The following ARHGAP32 variants were observed in gnomAD, a reference collection of about 807,000 sequenced individuals.
ARHGAP32 encodes Rho GTPase activating protein 32.
A neutral mutation model predicts 186.5 loss-of-function variants in ARHGAP32; 51 were observed. The observed-to-expected ratio is 0.27, with a 90% CI of 0.22 to 0.35. ARHGAP32 has a LOEUF of 0.35. Among genes scored for constraint, ARHGAP32 ranks in the 10% least tolerant of loss-of-function variants. The pLI, the probability that ARHGAP32 is intolerant of heterozygous loss-of-function variation, is 1.00. For synonymous variants in ARHGAP32, 950 were observed against 964.3 expected (o/e 0.99, Z 0.27); for missense variants, 2,186 against 2,623.5 (o/e 0.83, Z 3.64).
intron 10 of ARHGAP32, among the ~76,000 whole-genome samples, chr11:129,054,362 C>T (rs757585377): frequency 1.4e-4 from 21 of 152,188 alleles, no homozygotes; most frequent in Non-Finnish European, 2.6e-4. Context: ...ATAAACAGTG[C>T]GAGCCTACAT....
upstream of ARHGAP32, among the ~76,000 whole-genome samples, chr11:129,193,577 T>A (rs1407022640): frequency 1.5e-3 from 72 of 49,628 alleles, 1 homozygote; most frequent in African/African-American, 5.8e-3. Context: ...ATAATATATA[T>A]ATATTATATA....
intron 11 of ARHGAP32, among the ~76,000 whole-genome samples, chr11:129,006,844 C>A (rs1158234806): frequency 6.6e-6 from 1 of 152,180 alleles, no homozygotes; most frequent in Admixed American, 6.5e-5. Context: ...CTAGGTGGGT[C>A]CAGAGATGTT....
intron 2 of ARHGAP32, among the ~76,000 whole-genome samples, chr11:129,160,879 G>A (rs1035971067): frequency 6.6e-6 from 1 of 152,160 alleles, no homozygotes; most frequent in African/African-American, 2.4e-5. Flanking sequence ...AACAAAGCTG[G>A]AGGCATCACG....
At chr11:129,012,224 T>C (rs1938117383) in intron 11 of ARHGAP32, among the ~76,000 whole-genome samples, 1 of 152,224 alleles carries the variant, frequency 6.6e-6, no homozygotes, top group South Asian at 2.1e-4. Context: ...GGTAATAATA[T>C]TGGTAACAAC....
At chr11:129,068,198 G>A (rs2135164386) in intron 6 of ARHGAP32, among the ~76,000 whole-genome samples, 1 of 152,086 alleles carries the variant, frequency 6.6e-6, no homozygotes, top group Non-Finnish European at 1.5e-5. Context: ...TTTATCATCT[G>A]GGCCCTGTCT....
intron 6 of ARHGAP32, among the ~76,000 whole-genome samples, chr11:129,071,657 T>G (rs555488067): frequency 6.6e-6 from 1 of 151,924 alleles, no homozygotes; most frequent in East Asian, 1.9e-4. Flanking sequence ...TATATGGAGG[T>G]TCCTCAAAAA....
intron 11 of ARHGAP32, among the ~76,000 whole-genome samples, chr11:129,026,355 T>A (rs533737607): frequency 9.2e-5 from 14 of 151,998 alleles, no homozygotes; most frequent in African/African-American, 2.9e-4. Flanking sequence ...GTAGGAGAGG[T>A]CACTTGTTTT....
chr11:129,201,494 C>A (rs1944453989), intron 1 of ARHGAP32, among the ~76,000 whole-genome samples: 1 of 152,028 alleles, frequency 6.6e-6, no homozygotes, highest in African/African-American at 2.4e-5. Context: ...TGTTCTAGAG[C>A]CTGATATCAG....
chr11:129,246,556 G>GA (rs1945099817), intron 1 of ARHGAP32, among the ~76,000 whole-genome samples: 1 of 152,086 alleles, frequency 6.6e-6, no homozygotes, highest in Admixed American at 6.6e-5. Flanking sequence ...AAAGGTTCTG[G>GA]AAAAAATTGA....
intron 21 of ARHGAP32, 90 bp downstream of exon 21, chr11:128,974,034 G>T: frequency 1.4e-6 from 2 of 1,458,194 alleles, no homozygotes; most frequent in Non-Finnish European, 1.9e-6. Flanking sequence ...GCTAGCTGTG[G>T]ACAAATTTCT....
intron 1 of ARHGAP32, among the ~76,000 whole-genome samples, chr11:129,176,508 C>T (rs878950317): frequency 1.4e-5 from 2 of 141,288 alleles, no homozygotes; most frequent in African/African-American, 2.6e-5. Flanking sequence ...ACACCACACC[C>T]ATTCCAAAAC....
At chr11:129,190,737 G>A (rs1271734165) in intron 1 of ARHGAP32, among the ~76,000 whole-genome samples, 1 of 152,064 alleles carries the variant, frequency 6.6e-6, no homozygotes, top group African/African-American at 2.4e-5. Flanking sequence ...TGAATACCAG[G>A]TCAAAAAGTT....
chr11:129,174,082 G>A (rs959962955), intron 1 of ARHGAP32, among the ~76,000 whole-genome samples: 8 of 152,176 alleles, frequency 5.3e-5, no homozygotes, highest in African/African-American at 1.7e-4. Context: ...CAGTGGGTGC[G>A]CGCACCGTGC....
At chr11:129,244,235 G>GA in intron 1 of ARHGAP32, among the ~76,000 whole-genome samples, 1 of 151,936 alleles carries the variant, frequency 6.6e-6, no homozygotes, top group Non-Finnish European at 1.5e-5. Context: ...CCCTGTCTCA[G>GA]AAAAAAAGAA....
chr11:129,179,532 T>C lies in ARHGAP32; in HGVS notation c.116+12551A>G, dbSNP rs887284424. On this transcript the variant is annotated intron_variant, in intron 1 of 22. Transcript: ENST00000682385. ...CGGCATTATTCATGATAGCAAAGAC[T>C]TGGAACCAACCCAAATGTCCAACAA... Among the ~76,000 whole-genome samples the C allele has an allele frequency of 2.0e-5, 3 of 151,302 alleles. No homozygotes were observed. In the Admixed American group the frequency reaches 2.0e-4, roughly 10 times the overall value.
At chr11:129,089,852 A>G (rs1394730332) in intron 6 of ARHGAP32, among the ~76,000 whole-genome samples, 1 of 152,216 alleles carries the variant, frequency 6.6e-6, no homozygotes, top group Non-Finnish European at 1.5e-5. Flanking sequence ...TTTAGAAATA[A>G]CTGTCATTCT....
chr11:128,979,361 C>A (rs948692147), intron 18 of ARHGAP32, among the ~76,000 whole-genome samples: 2 of 152,092 alleles, frequency 1.3e-5, no homozygotes, highest in African/African-American at 4.8e-5. Context: ...GTGCTACCTG[C>A]CTTATATGTA....
intron 2 of ARHGAP32, among the ~76,000 whole-genome samples, chr11:129,125,100 G>T (rs930038453): frequency 1.3e-5 from 2 of 151,942 alleles, no homozygotes; most frequent in Non-Finnish European, 2.9e-5. Context: ...CTGTATAAGG[G>T]AAATTTTTCT....
intron 5 of ARHGAP32, among the ~76,000 whole-genome samples, chr11:129,113,339 G>A (rs1942278640): frequency 6.6e-6 from 1 of 152,094 alleles, no homozygotes. Flanking sequence ...CAGTAGTACA[G>A]TATGTACTAC....
Sources: allele counts gnomAD v4.1 joint callset (sites outside exome capture counted in the v4.1 genomes callset), GRCh38; gene constraint gnomAD v4.1.1; transcripts MANE v1.5; gene names NCBI Gene and HGNC (gene_info 2026-07-23, HGNC 2026-07-21).